SCARA5: variants seen among roughly 807,000 people sequenced by gnomAD.
SCARA5 encodes scavenger receptor class A member 5, also known as scavenger receptor class A, member 5 (putative).
SCARA5 carries 45 observed loss-of-function variants against 46.3 expected under a neutral mutation model. The ratio of observed to expected loss-of-function variants is 0.97; its 90% confidence interval spans 0.76 to 1.24. SCARA5 has a LOEUF of 1.24. SCARA5 is among the 50% of genes most tolerant of loss of function. SCARA5 has a pLI of 0.00. For synonymous variants in SCARA5, 333 were observed against 306.5 expected, an observed-to-expected ratio of 1.09 and a Z score of -0.90; for missense variants, 680 against 689.0, an observed-to-expected ratio of 0.99 and a Z score of 0.15.
chr8:27,921,776 G>T lies in SCARA5; in HGVS notation c.711C>A (p.Asp237Glu), dbSNP rs1276231283. The change falls in exon 4 of 9, where the codon GAC becomes GAA. Residue 237 changes from aspartate (D) to glutamate (E), a missense_variant. By Grantham distance (45) the Asp-to-Glu change is conservative. This residue lies in a region of SCARA5 where 438 missense variants were observed against 384.5 expected (regional missense o/e 1.14). Coordinates refer to ENST00000354914, the MANE Select transcript of SCARA5 (RefSeq NM_173833.6). Reference protein sequence around the residue: ...LRGLNHSLSYDVALHRTRLQD... With the variant: ...LRGLNHSLSYEVALHRTRLQD... ...GCAGCCGCGTGCGGTGGAGGGCCAC[G>T]TCGTAGGACAGGCTGTGGTTGAGGC... The T allele has an allele frequency of 2.5e-6, 4 of 1,574,394 alleles. No homozygotes were observed. Among genetic ancestry groups the T allele is most frequent in the Non-Finnish European group, 3.4e-6 (4 of 1,164,194 alleles).
At chr8:27,970,711 C>T (rs1051802018) in intron 2 of SCARA5, among the ~76,000 whole-genome samples, 2 of 152,144 alleles carry the variant, frequency 1.3e-5, no homozygotes, top group African/African-American at 4.8e-5. Context: ...GAATTCTTTC[C>T]TGGGCAAAGC....
intron 6 of SCARA5, 137 bp downstream of exon 6, chr8:27,907,011 A>G: frequency 1.8e-6 from 1 of 551,798 alleles, no homozygotes; most frequent in Non-Finnish European, 3.2e-6. Context: ...ATGCTTTAAC[A>G]AGATGAAGAG....
intron 5 of SCARA5, among the ~76,000 whole-genome samples, chr8:27,907,530 C>T (rs535749649): frequency 1.3e-5 from 2 of 150,962 alleles, no homozygotes; most frequent in African/African-American, 4.9e-5. Flanking sequence ...TGGGGGTGTC[C>T]CTTTGCCCTT....
At chr8:27,881,803 TC>T (rs1188519940) in intron 7 of SCARA5, among the ~76,000 whole-genome samples, 2 of 152,066 alleles carry the variant, frequency 1.3e-5, no homozygotes, top group Non-Finnish European at 2.9e-5. Flanking sequence ...ACACACAGCC[TC>T]CCCCATTATC....
intron 3 of SCARA5, among the ~76,000 whole-genome samples, chr8:27,926,071 C>T (rs2129827492): frequency 6.6e-6 from 1 of 152,274 alleles, no homozygotes; most frequent in Middle Eastern, 3.4e-3. Context: ...ACTAGAAATA[C>T]CATTTGACCC....
At chr8:27,947,680 C>G (rs1209972395) in intron 3 of SCARA5, among the ~76,000 whole-genome samples, 1 of 150,692 alleles carries the variant, frequency 6.6e-6, no homozygotes, top group African/African-American at 2.4e-5. Context: ...CCGAGACCAG[C>G]CTGAACATGG....
chr8:27,889,945 C>A (rs1455791916), intron 7 of SCARA5, among the ~76,000 whole-genome samples: 2 of 152,138 alleles, frequency 1.3e-5, no homozygotes, highest in Non-Finnish European at 2.9e-5. Flanking sequence ...TGTATTAATT[C>A]TTTATGTATA....
chr8:27,918,106 C>A (rs570519741), intron 4 of SCARA5, among the ~76,000 whole-genome samples: 3 of 152,220 alleles, frequency 2.0e-5, no homozygotes, highest in African/African-American at 7.2e-5. Context: ...AGAATGAGAA[C>A]CAGGCATTGG....
At chr8:27,929,344 C>A (rs1211008267) in intron 3 of SCARA5, among the ~76,000 whole-genome samples, 2 of 152,070 alleles carry the variant, frequency 1.3e-5, no homozygotes, top group Admixed American at 6.6e-5. Flanking sequence ...GTGATCCAAC[C>A]AGATAGGCTG....
chr8:27,955,985 G>A (rs935192161), intron 3 of SCARA5, among the ~76,000 whole-genome samples: 1 of 152,110 alleles, frequency 6.6e-6, no homozygotes, highest in Non-Finnish European at 1.5e-5. Context: ...AGGAGAAGCA[G>A]GTTTGGGAGA....
chr8:27,892,605 C>CTTTTTTTTTTT lies in SCARA5; in HGVS notation c.1153+12172_1153+12173insAAAAAAAAAAA, dbSNP rs1224026831. Among the ~76,000 whole-genome samples, 4 of 119,788 alleles carry CTTTTTTTTTTT rather than the reference C, an allele frequency of 3.3e-5. 2 individuals carry two copies. Among genetic ancestry groups the CTTTTTTTTTTT allele is most frequent in the Non-Finnish European group, 3.7e-5 (2 of 54,228 alleles). The allele number at this position is 119,788 out of a possible 152,430, so 78.6% of individuals were successfully genotyped here. On this transcript the variant is annotated intron_variant, in intron 7 of 8. Coordinates refer to ENST00000354914, the MANE Select transcript of SCARA5 (RefSeq NM_173833.6). ...CAGAAGTGACCTCTCCATACCTCAC[C>CTTTTTTTTTTT]CTTTTTTTTTTTTTTTTTTTTTGAG...
intron 7 of SCARA5, among the ~76,000 whole-genome samples, chr8:27,885,668 A>G (rs1806883887): frequency 6.6e-6 from 1 of 152,114 alleles, no homozygotes; most frequent in Non-Finnish European, 1.5e-5. Context: ...CATCCTCTTT[A>G]TTACATCACA....
At chr8:27,907,437 C>T (rs2685361) in intron 5 of SCARA5, among the ~76,000 whole-genome samples, 191 bp from the exon 6 acceptor site, 82,151 of 151,984 alleles carry the variant, frequency 0.54, 22,576 homozygotes, top group Non-Finnish European at 0.6. Flanking sequence ...CTCCCATGCA[C>T]ACCTTGTATC....
chr8:27,956,967 G>A (rs1405694801), intron 3 of SCARA5, among the ~76,000 whole-genome samples: 3 of 152,094 alleles, frequency 2.0e-5, no homozygotes, highest in Non-Finnish European at 4.4e-5. Flanking sequence ...CAGCTTCCAC[G>A]CCAGTAAAAA....
intron 3 of SCARA5, among the ~76,000 whole-genome samples, chr8:27,948,489 G>A (rs1808071367): frequency 6.6e-6 from 1 of 152,114 alleles, no homozygotes; most frequent in South Asian, 2.1e-4. Context: ...CAGGGCCTGG[G>A]GCTGGGCCGT....
intron 3 of SCARA5, among the ~76,000 whole-genome samples, chr8:27,937,281 G>C (rs1269457818): frequency 6.6e-6 from 1 of 152,118 alleles, no homozygotes; most frequent in Non-Finnish European, 1.5e-5. Context: ...CCTGCCCCTA[G>C]CACGTGTGGG....
chr8:27,918,626 C>A lies in SCARA5; in HGVS notation c.916+2945G>T, dbSNP rs763288103. On this transcript the variant is annotated intron_variant, in intron 4 of 8. Coordinates refer to ENST00000354914, the MANE Select transcript of SCARA5 (RefSeq NM_173833.6). Reference sequence around the variant, plus strand: ...GAAGGAGGAGGAAGAGGAGGGGGAGCAGGAGGAGGAAGATGAGGAGGAGGA... The same window carrying A: ...GAAGGAGGAGGAAGAGGAGGGGGAGAAGGAGGAGGAAGATGAGGAGGAGGA... 4.6e-4 allele frequency among the ~76,000 whole-genome samples: 43 copies of A among 93,878 alleles called. 1 individual carries two copies. In the East Asian group the frequency reaches 0.012, roughly 27 times the overall value. 61.6% of individuals were successfully genotyped at this position (93,878 alleles called of 152,430 possible).
At chr8:27,960,970 C>T (rs891896174) in intron 3 of SCARA5, among the ~76,000 whole-genome samples, 2 of 152,196 alleles carry the variant, frequency 1.3e-5, no homozygotes, top group Non-Finnish European at 2.9e-5. Context: ...AATTTGCTCA[C>T]TTTACAAATG....
chr8:27,954,813 A>G lies in SCARA5; in HGVS notation c.241+11601T>C, dbSNP rs554487491. ...TAGATGTGCTAAATGGCCGCAGCCAATGGTCAGGGGACAAGTGTTAATTGG... is the reference window on the plus strand; with the variant it reads ...TAGATGTGCTAAATGGCCGCAGCCAGTGGTCAGGGGACAAGTGTTAATTGG... On this transcript the variant is annotated intron_variant, in intron 3 of 8. Transcript: ENST00000354914. 9.2e-5 allele frequency among the ~76,000 whole-genome samples: 14 copies of G among 152,350 alleles called. No individual in the cohort carries two copies. The East Asian group carries it at 1.9e-3, about 21-fold the overall frequency.
Sources: allele counts gnomAD v4.1 joint callset (sites outside exome capture counted in the v4.1 genomes callset), GRCh38; gene constraint gnomAD v4.1.1; regional missense constraint gnomAD v4.1.1; transcripts MANE v1.5; gene names NCBI Gene and HGNC (gene_info 2026-07-23, HGNC 2026-07-21).